The following SCLT1 variants were observed in gnomAD, a reference collection of about 807,000 sequenced individuals.
SCLT1 encodes sodium channel and clathrin linker 1, also known as sodium channel-associated protein 1.
In SCLT1, 78 loss-of-function variants were observed where a neutral mutation model predicts 112.8. The observed-to-expected ratio is 0.69, with a 90% CI of 0.58 to 0.83. SCLT1 has a LOEUF of 0.83. Ranked by LOEUF, SCLT1 falls within the 40% of genes least tolerant of loss-of-function variation. The pLI is 0.00. For missense variants in SCLT1, 747 were observed against 770.4 expected (o/e 0.97, Z 0.36); for synonymous variants, 257 against 254.7 (o/e 1.01, Z -0.09).
At chr4:128,883,428 G>A (rs1041431109), downstream of SCLT1, among the ~76,000 whole-genome samples, 1 of 151,982 alleles carries the variant, frequency 6.6e-6, no homozygotes, top group African/African-American at 2.4e-5. Flanking sequence ...GTAGGGGAGG[G>A]ACAGCATTAG....
intron 18 of SCLT1, among the ~76,000 whole-genome samples, chr4:128,896,602 TA>T (rs1177328017): frequency 6.6e-6 from 1 of 152,096 alleles, no homozygotes; most frequent in Non-Finnish European, 1.5e-5. Flanking sequence ...CTGGAAACTC[TA>T]AAAATCAGAG....
At chr4:128,905,636 A>G (rs998842048) in intron 18 of SCLT1, among the ~76,000 whole-genome samples, 1 of 152,146 alleles carries the variant, frequency 6.6e-6, no homozygotes, top group African/African-American at 2.4e-5. Context: ...GCTTTTCAAT[A>G]TTACAGCATT....
At chr4:128,941,058 C>G (rs1049111325) in intron 17 of SCLT1, among the ~76,000 whole-genome samples, 3 of 151,316 alleles carry the variant, frequency 2.0e-5, no homozygotes, top group African/African-American at 7.3e-5. Flanking sequence ...ATTTTTTATT[C>G]GGTTACAAAT....
chr4:128,970,467 G>C lies in SCLT1; in HGVS notation c.688C>G (p.Gln230Glu), dbSNP rs1211317269. The C allele has an allele frequency of 6.4e-7, 1 of 1,573,848 alleles. No individual in the cohort carries two copies. The highest frequency in any genetic ancestry group is 8.7e-7 in the Non-Finnish European group (1 of 1,144,792). ...IIEQLRKKLR[Q>E]AKLELRVAVA... Reference sequence around the variant, plus strand: ...GCAACTCTCAGCTCTAATTTGGCTTGCCTAAAAAATAAAGTAAATTAATAA... The same window carrying C: ...GCAACTCTCAGCTCTAATTTGGCTTCCCTAAAAAATAAAGTAAATTAATAA... Residue 230 changes from glutamine (Q) to glutamate (E), a missense_variant and splice_region_variant, in exon 10 of 21, where the codon CAA becomes GAA. Around this residue, in one of 2 missense-constraint regions of SCLT1, gnomAD observed 723 missense variants for 721.3 expected, o/e 1.00. Coordinates refer to ENST00000281142, the MANE Select transcript of SCLT1 (RefSeq NM_144643.4).
chr4:129,066,970 C>T (rs996935764), intron 2 of SCLT1, among the ~76,000 whole-genome samples: 1 of 151,826 alleles, frequency 6.6e-6, no homozygotes, highest in Admixed American at 6.6e-5. Flanking sequence ...TTTATTTCTG[C>T]GATATTTAAT....
chr4:128,920,742 A>G (rs1479975107), intron 18 of SCLT1, among the ~76,000 whole-genome samples: 1 of 152,232 alleles, frequency 6.6e-6, no homozygotes, highest in Non-Finnish European at 1.5e-5. Context: ...ATTCCCCCTG[A>G]TAACTGGAAC....
intron 2 of SCLT1, among the ~76,000 whole-genome samples, chr4:129,045,613 CAAAG>C (rs1341781073): frequency 2.0e-5 from 3 of 151,582 alleles, no homozygotes; most frequent in African/African-American, 7.3e-5. Flanking sequence ...TCATAAAAAA[CAAAG>C]AAGTTATTTC....
At chr4:129,010,776 T>G (rs951801344) in intron 5 of SCLT1, among the ~76,000 whole-genome samples, 2 of 152,202 alleles carry the variant, frequency 1.3e-5, no homozygotes, top group Non-Finnish European at 2.9e-5. Flanking sequence ...TGATTTTGTA[T>G]CCTGAGAATT....
intron 5 of SCLT1, among the ~76,000 whole-genome samples, chr4:129,023,458 C>A (rs1167532158): frequency 6.6e-6 from 1 of 152,040 alleles, no homozygotes; most frequent in Non-Finnish European, 1.5e-5. Context: ...GAATATTTAC[C>A]AAGCAAATGA....
intron 2 of SCLT1, among the ~76,000 whole-genome samples, chr4:129,051,331 C>T (rs1420611585): frequency 6.6e-6 from 1 of 152,134 alleles, no homozygotes; most frequent in African/African-American, 2.4e-5. Flanking sequence ...TGGCCATTTT[C>T]ACAATATTGA....
At chr4:129,006,414 T>A (rs894972291) in intron 5 of SCLT1, among the ~76,000 whole-genome samples, 3 of 151,852 alleles carry the variant, frequency 2.0e-5, no homozygotes, top group Admixed American at 2.0e-4. Context: ...GGCGTGTGCC[T>A]GTAGTCCCAG....
intron 2 of SCLT1, among the ~76,000 whole-genome samples, chr4:129,044,826 CCA>C (rs1491292072): frequency 1.6e-5 from 2 of 128,478 alleles, no homozygotes; most frequent in African/African-American, 6.1e-5. Context: ...GATAATCTCA[CCA>C]AAAAAAAAAA....
At chr4:129,040,167 A>G in intron 4 of SCLT1, 1 of 702,708 alleles carries the variant, frequency 1.4e-6, no homozygotes, top group African/African-American at 1.7e-5. Context: ...AATTCTAACT[A>G]TAAATTTGGT....
chr4:128,977,023 T>C (rs895946589), intron 9 of SCLT1, among the ~76,000 whole-genome samples: 18 of 152,112 alleles, frequency 1.2e-4, no homozygotes, highest in African/African-American at 3.4e-4. Flanking sequence ...AACCTGACAT[T>C]TGTGAAAAAG....
In SCLT1 at chr4:128,948,767, AG is replaced by A. The variant is rs1398008496; in HGVS notation, c.1219-198del. 2.0e-5 allele frequency among the ~76,000 whole-genome samples: 3 copies of A among 152,358 alleles called. No individual in the cohort carries two copies. In the East Asian group the frequency reaches 5.8e-4, roughly 29 times the overall value. On this transcript the variant is annotated intron_variant, in intron 14 of 20. Coordinates refer to ENST00000281142, the MANE Select transcript of SCLT1 (RefSeq NM_144643.4). ...GATTGCAGAAATTGCCTCCAGCAGT[AG>A]GATGCCAAGGAGTTCTAATTAAACA... is the stretch of plus-strand genomic sequence containing the variant.
At chr4:128,885,860 G>A (rs1483262233) in intron 20 of SCLT1, among the ~76,000 whole-genome samples, 1 of 152,162 alleles carries the variant, frequency 6.6e-6, no homozygotes, top group Non-Finnish European at 1.5e-5. Context: ...ATTTGTATTT[G>A]TCTTATAGGT....
chr4:128,948,501 C>T lies in SCLT1; in HGVS notation c.1288G>A (p.Glu430Lys). 1 of 1,606,738 alleles carries T rather than the reference C, an allele frequency of 6.2e-7. No homozygotes were observed. Among genetic ancestry groups the T allele is most frequent in the South Asian group, 1.1e-5 (1 of 90,834 alleles). ...KEKKAVEEEL[E>K]KIYREGRGNE... ...TATTTCCTTTTTCTTTTTACCTTTT[C>T]TAGTTCTTCTTCCACTGCTTTTTTT... The change falls in exon 15 of 21, where the codon GAA (glutamate) becomes AAA (lysine). Residue 430 changes from glutamate (E) to lysine (K), a missense_variant. Around this residue, in one of 2 missense-constraint regions of SCLT1, gnomAD observed 723 missense variants for 721.3 expected, o/e 1.00. Transcript: ENST00000281142.
intron 9 of SCLT1, among the ~76,000 whole-genome samples, chr4:128,975,811 T>C (rs896415396): frequency 6.6e-6 from 1 of 152,200 alleles, no homozygotes; most frequent in Non-Finnish European, 1.5e-5. Context: ...ACTACTGCTT[T>C]TAGGAAACTG....
intron 5 of SCLT1, among the ~76,000 whole-genome samples, chr4:129,018,535 T>C (rs758379486): frequency 1.8e-4 from 27 of 152,140 alleles, no homozygotes; most frequent in Non-Finnish European, 2.9e-5. Flanking sequence ...CATAGAAGAT[T>C]GAAAGGAGAT....
Sources: gnomAD v4.1 joint callset for allele counts (sites outside exome capture counted in the v4.1 genomes callset) on GRCh38, gnomAD v4.1.1 for gene constraint, gnomAD v4.1.1 regional missense constraint, MANE v1.5 for transcripts, NCBI Gene and HGNC (gene_info 2026-07-23, HGNC 2026-07-21) for gene names.